Variants in CNTNAP5 observed in about 807,000 individuals in gnomAD.
CNTNAP5 encodes contactin-associated protein-like 5.
A neutral mutation model predicts 150.2 loss-of-function variants in CNTNAP5; 72 were observed. That is an observed-to-expected ratio of 0.48 (90% CI 0.40 to 0.58). The LOEUF (loss-of-function observed/expected upper bound fraction) is 0.58, where lower values mean the gene tolerates loss of function less well. CNTNAP5 is among the 20% of genes least tolerant of loss of function. CNTNAP5 has a pLI of 0.00. For synonymous variants in CNTNAP5, 672 were observed against 619.8 expected, an observed-to-expected ratio of 1.08 and a Z score of -1.25; for missense variants, 1,636 against 1,626.2, an observed-to-expected ratio of 1.01 and a Z score of -0.10.
At chr2:124,500,543 A>C (rs987204982) in intron 7 of CNTNAP5, among the ~76,000 whole-genome samples, 4 of 152,164 alleles carry the variant, frequency 2.6e-5, no homozygotes, top group African/African-American at 7.2e-5. Flanking sequence ...GGTCAGACCA[A>C]GGTGGGAGGT....
Position 124,811,325 on chromosome 2 carries a change from G to A in CNTNAP5, c.3217+13005G>A, listed in dbSNP as rs1217050988. On this transcript the variant is annotated intron_variant, in intron 19 of 23. Coordinates refer to ENST00000682447, the MANE Select transcript of CNTNAP5 (RefSeq NM_001367498.1). ...TAACTGCATGTGAGGAGGAAGGCGA[G>A]AGGGTGGGGCAACAGCTGCTTTCTT... 2.6e-5 allele frequency among the ~76,000 whole-genome samples: 4 copies of A among 152,190 alleles called. No homozygotes were observed. The East Asian group carries it at 7.7e-4, about 29-fold the overall frequency.
At chr2:124,902,408 C>T (rs139783313) in intron 21 of CNTNAP5, among the ~76,000 whole-genome samples, 105 of 152,254 alleles carry the variant, frequency 6.9e-4, no homozygotes, top group African/African-American at 2.4e-3. Flanking sequence ...GGAAGGACAA[C>T]ATTGACTTCT....
chr2:124,792,347 G>T (rs1211395738), intron 18 of CNTNAP5, among the ~76,000 whole-genome samples: 4 of 152,014 alleles, frequency 2.6e-5, no homozygotes, highest in Non-Finnish European at 5.9e-5. Context: ...ACTTATTGGG[G>T]CTCATAAAGG....
At chr2:124,427,443 T>TG in intron 4 of CNTNAP5, among the ~76,000 whole-genome samples, 1 of 152,140 alleles carries the variant, frequency 6.6e-6, no homozygotes, top group African/African-American at 2.4e-5. Context: ...TATTTTATTT[T>TG]GTTTTTTTAT....
chr2:124,111,511 T>A (rs1333471544), intron 1 of CNTNAP5, among the ~76,000 whole-genome samples: 5 of 152,174 alleles, frequency 3.3e-5, no homozygotes, highest in Admixed American at 3.3e-4. Flanking sequence ...TTAAAATTCA[T>A]GGAATATAAA....
intron 4 of CNTNAP5, among the ~76,000 whole-genome samples, chr2:124,420,687 G>C (rs1692080568): frequency 1.3e-5 from 2 of 152,144 alleles, no homozygotes; most frequent in Non-Finnish European, 2.9e-5. Context: ...GAGCAGAACA[G>C]AAATTTCCCT....
intron 1 of CNTNAP5, among the ~76,000 whole-genome samples, chr2:124,211,939 C>T (rs1372192903): frequency 6.6e-6 from 1 of 152,144 alleles, no homozygotes; most frequent in Admixed American, 6.5e-5. Flanking sequence ...TAGAAACACT[C>T]AATGCAGGAT....
At chr2:124,580,845 T>C (rs1696395067) in intron 11 of CNTNAP5, among the ~76,000 whole-genome samples, 2 of 152,142 alleles carry the variant, frequency 1.3e-5, no homozygotes, top group South Asian at 2.1e-4. Context: ...AATGATAAAA[T>C]AGATATAAAG....
intron 13 of CNTNAP5, among the ~76,000 whole-genome samples, chr2:124,716,567 G>T (rs1456278339): frequency 6.6e-6 from 1 of 151,378 alleles, no homozygotes; most frequent in African/African-American, 2.4e-5. Flanking sequence ...TAAACATTTT[G>T]CATTACACTG....
chr2:124,847,517 T>G (rs1312353711), intron 19 of CNTNAP5, among the ~76,000 whole-genome samples: 2 of 152,212 alleles, frequency 1.3e-5, no homozygotes, highest in Non-Finnish European at 2.9e-5. Flanking sequence ...AGACCAGGGC[T>G]GAGAACTTGC....
chr2:124,789,340 A>G (rs1681667343), intron 17 of CNTNAP5, among the ~76,000 whole-genome samples: 1 of 152,060 alleles, frequency 6.6e-6, no homozygotes, highest in Non-Finnish European at 1.5e-5. Flanking sequence ...CTTTTTTTGT[A>G]TGTATACGGA....
At chr2:124,178,728 G>A (rs993274057) in intron 1 of CNTNAP5, among the ~76,000 whole-genome samples, 4 of 152,032 alleles carry the variant, frequency 2.6e-5, no homozygotes, top group East Asian at 3.9e-4. Context: ...TGAATTTTTG[G>A]TTTTGGACTT....
At chr2:124,668,435 T>A (rs1678744456) in intron 13 of CNTNAP5, among the ~76,000 whole-genome samples, 1 of 152,184 alleles carries the variant, frequency 6.6e-6, no homozygotes, top group Non-Finnish European at 1.5e-5. Context: ...ATGTGTTGAA[T>A]CATTACTGTA....
At chr2:124,652,885 G>A (rs149409769) in intron 13 of CNTNAP5, among the ~76,000 whole-genome samples, 325 of 152,312 alleles carry the variant, frequency 2.1e-3, no homozygotes, top group African/African-American at 7.4e-3. Context: ...ACCTCTTGCA[G>A]GCAGAGGGAA....
intron 3 of CNTNAP5, among the ~76,000 whole-genome samples, chr2:124,268,009 C>T (rs753066105): frequency 1.2e-4 from 18 of 152,180 alleles, no homozygotes; most frequent in Admixed American, 2.0e-4. Context: ...CAGGATCCAG[C>T]TCAATATTTC....
chr2:124,090,151 G>T (rs1350642937), intron 1 of CNTNAP5, among the ~76,000 whole-genome samples: 1 of 152,208 alleles, frequency 6.6e-6, no homozygotes, highest in East Asian at 1.9e-4. Context: ...GAGAAGGTAA[G>T]TTCTGATTGA....
At chr2:124,884,991 G>GA (rs1194897814) in intron 21 of CNTNAP5, among the ~76,000 whole-genome samples, 1 of 152,022 alleles carries the variant, frequency 6.6e-6, no homozygotes, top group Non-Finnish European at 1.5e-5. Context: ...TCTAAATGTA[G>GA]AACCCACTCA....
rs1329112794 is a variant in CNTNAP5 at position 124,872,409 on chromosome 2, TGTGTGTGC to T, written c.3436+2651_3436+2658del. ...GTGTGTGTGTGTGTGTGTGTGTGTG[TGTGTGTGC>T]GTGCATGTGCGTTTGTTCATATTGA... On this transcript the variant is annotated intron_variant, in intron 21 of 23. Transcript: ENST00000682447. 3.9e-3 allele frequency among the ~76,000 whole-genome samples: 567 copies of T among 144,248 alleles called. 4 individuals carry two copies. The highest frequency in any genetic ancestry group is 0.014 in the African/African-American group (534 of 38,968). 94.6% of individuals were successfully genotyped at this position (144,248 alleles called of 152,430 possible). A position where few individuals can be genotyped will look rare whatever the true frequency, so the allele number is the denominator to read the frequency against.
intron 3 of CNTNAP5, among the ~76,000 whole-genome samples, chr2:124,314,121 A>T (rs1688900359): frequency 6.6e-6 from 1 of 152,188 alleles, no homozygotes; most frequent in Non-Finnish European, 1.5e-5. Flanking sequence ...CCAGATTCAC[A>T]AGGAATAATG....
Sources: gnomAD v4.1 joint callset for allele counts (sites outside exome capture counted in the v4.1 genomes callset) on GRCh38, gnomAD v4.1.1 for gene constraint, MANE v1.5 for transcripts, NCBI Gene and HGNC (gene_info 2026-07-23, HGNC 2026-07-21) for gene names.